Variants in GON4L observed in about 807,000 individuals in gnomAD.
The protein encoded by GON4L is gon-4 like.
GON4L carries 87 observed loss-of-function variants against 211.8 expected under a neutral mutation model. The ratio of observed to expected loss-of-function variants is 0.41; its 90% CI spans 0.35 to 0.49. The LOEUF (loss-of-function observed/expected upper bound fraction) is 0.49. Among genes scored for constraint, GON4L ranks in the 20% least tolerant of loss-of-function variants. The pLI is 0.15. For synonymous variants in GON4L, 875 were observed against 962.6 expected, an observed-to-expected ratio of 0.91 and a Z score of 1.68; for missense variants, 2,155 against 2,659.5, an observed-to-expected ratio of 0.81 and a Z score of 4.17.
At chr1:155,851,039 C>T (rs372678717) in intron 2 of GON4L, among the ~76,000 whole-genome samples, 25 of 86,232 alleles carry the variant, frequency 2.9e-4, no homozygotes, top group Non-Finnish European at 5.1e-4. Context: ...GGCAACAGAG[C>T]GAGACTCCAC....
chr1:155,768,425 A>G (rs1662798306), intron 19 of GON4L, among the ~76,000 whole-genome samples: 4 of 151,448 alleles, frequency 2.6e-5, no homozygotes, highest in Non-Finnish European at 5.9e-5. Flanking sequence ...CCTGGCTAAC[A>G]TGGTGAAACC....
At chr1:155,795,645 T>C (rs549768747) in intron 11 of GON4L, among the ~76,000 whole-genome samples, 81 of 152,000 alleles carry the variant, frequency 5.3e-4, no homozygotes, top group Admixed American at 6.6e-4. Context: ...AAATTTTCTT[T>C]TTCCTTTTTT....
chr1:155,811,120 T>C (rs1024882961), intron 10 of GON4L, among the ~76,000 whole-genome samples: 3 of 152,044 alleles, frequency 2.0e-5, no homozygotes, highest in Non-Finnish European at 2.9e-5. Flanking sequence ...AGGCCAAGCG[T>C]GGTGGTTCAC....
intron 2 of GON4L, among the ~76,000 whole-genome samples, chr1:155,850,220 TTA>T (rs1464251089): frequency 6.6e-6 from 1 of 152,180 alleles, no homozygotes; most frequent in African/African-American, 2.4e-5. Flanking sequence ...TATTTTTTAT[TTA>T]TGTGATCAAA....
chr1:155,793,928 T>A (rs1273136370), intron 12 of GON4L, among the ~76,000 whole-genome samples: 1 of 151,882 alleles, frequency 6.6e-6, no homozygotes, highest in African/African-American at 2.4e-5. Context: ...TAATTTTTTA[T>A]AGAAATAACT....
intron 12 of GON4L, among the ~76,000 whole-genome samples, chr1:155,785,835 G>A (rs1664885585): frequency 6.6e-6 from 1 of 152,160 alleles, no homozygotes; most frequent in African/African-American, 2.4e-5. Context: ...GGTGGCTCAT[G>A]CCTGTAATCT....
At chr1:155,834,380 A>C (rs771521814) in intron 2 of GON4L, among the ~76,000 whole-genome samples, 2 of 152,106 alleles carry the variant, frequency 1.3e-5, no homozygotes, top group Non-Finnish European at 2.9e-5. Context: ...GTTGTCTTCA[A>C]TCCACTGCTC....
At chr1:155,791,975 G>A (rs184450308) in intron 12 of GON4L, among the ~76,000 whole-genome samples, 1 of 151,952 alleles carries the variant, frequency 6.6e-6, no homozygotes, top group Non-Finnish European at 1.5e-5. Flanking sequence ...TAAAAGGATT[G>A]ATCTTCCTGC....
At chr1:155,811,322 G>A (rs1181208094) in intron 10 of GON4L, among the ~76,000 whole-genome samples, 1 of 145,510 alleles carries the variant, frequency 6.9e-6, no homozygotes, top group Non-Finnish European at 1.5e-5. Flanking sequence ...AACCTGGGAG[G>A]CGGAGCTTGC....
chr1:155,851,403 T>C (rs966557785), intron 2 of GON4L, among the ~76,000 whole-genome samples: 4 of 148,256 alleles, frequency 2.7e-5, no homozygotes, highest in Non-Finnish European at 6.0e-5. Flanking sequence ...TCAAATGCCT[T>C]AGTATGAAAA....
At position 155,757,056 on chromosome 1, in the gene GON4L, C is replaced by G; in HGVS notation, c.5419G>C (p.Ala1807Pro). The change falls in exon 27 of 32, where the codon GCC (alanine) becomes CCC (proline). Residue 1807 changes from alanine (A) to proline (P), a missense_variant. Around this residue, in one of 6 missense-constraint regions of GON4L, gnomAD observed 455 missense variants for 504.6 expected, o/e 0.90. Transcript: ENST00000368331. ...TCCTCTTCTTCCACATCAGGCAGGG[C>G]CACTTCTTCAAAGCCATCAAACTGA... Reference protein sequence around the residue: ...EYEFDGFEEVALPDVEEEEEP... With the variant: ...EYEFDGFEEVPLPDVEEEEEP... The G allele has an allele frequency of 6.2e-7, 1 of 1,613,890 alleles. No individual in the cohort carries two copies. The highest frequency in any genetic ancestry group is 8.5e-7 in the Non-Finnish European group (1 of 1,179,818).
chr1:155,858,006 A>G (rs1672418484), upstream of GON4L, among the ~76,000 whole-genome samples: 1 of 152,208 alleles, frequency 6.6e-6, no homozygotes, highest in African/African-American at 2.4e-5. Context: ...CAGTTTGCAC[A>G]GGACAAAGTT....
intron 17 of GON4L, among the ~76,000 whole-genome samples, chr1:155,774,236 G>C (rs1663524407): frequency 6.6e-6 from 1 of 151,638 alleles, no homozygotes; most frequent in African/African-American, 2.4e-5. Flanking sequence ...TGCCTAACTT[G>C]CAAGTCAATA....
chr1:155,782,664 ATTTAT>A (rs199513143), intron 14 of GON4L, among the ~76,000 whole-genome samples: 3,520 of 151,974 alleles, frequency 0.023, 126 homozygotes, highest in African/African-American at 0.08. Context: ...TACAAATTTT[ATTTAT>A]TTTATTTTAT....
At chr1:155,790,987 C>T (rs1445385825) in intron 12 of GON4L, among the ~76,000 whole-genome samples, 5 of 150,660 alleles carry the variant, frequency 3.3e-5, no homozygotes, top group African/African-American at 7.3e-5. Flanking sequence ...TGAGGCTGGG[C>T]GCAGTGGCTC....
intron 2 of GON4L, among the ~76,000 whole-genome samples, chr1:155,829,208 A>G (rs958535716): frequency 1.3e-5 from 2 of 152,136 alleles, no homozygotes; most frequent in Admixed American, 6.6e-5. Context: ...TTTGACTTAC[A>G]TACCCTAATT....
intron 27 of GON4L, chr1:155,756,470 T>C: frequency 6.4e-6 from 1 of 155,568 alleles, no homozygotes; most frequent in South Asian, 2.0e-4. Context: ...TCTGCATGTC[T>C]GTATCAGCCT....
chr1:155,858,186 A>C (rs1672426252), upstream of GON4L, among the ~76,000 whole-genome samples: 1 of 152,224 alleles, frequency 6.6e-6, no homozygotes, highest in African/African-American at 2.4e-5. Flanking sequence ...GAATGAGCGA[A>C]TGAATGAATG....
chr1:155,837,670 C>G (rs557386568), intron 2 of GON4L, among the ~76,000 whole-genome samples: 6 of 152,036 alleles, frequency 3.9e-5, no homozygotes, highest in Non-Finnish European at 4.4e-5. Flanking sequence ...ACCCCTCATC[C>G]CCCTACTCTC....
Sources: gnomAD v4.1 joint callset for allele counts (sites outside exome capture counted in the v4.1 genomes callset) on GRCh38, gnomAD v4.1.1 for gene constraint, gnomAD v4.1.1 regional missense constraint, MANE v1.5 for transcripts, NCBI Gene and HGNC (gene_info 2026-07-23, HGNC 2026-07-21) for gene names.